Variants in GRIP1 observed in about 807,000 individuals in gnomAD.
GRIP1 encodes glutamate receptor interacting protein 1.
A neutral mutation model predicts 129.9 loss-of-function variants in GRIP1; 45 were observed. That is an observed-to-expected ratio of 0.35 (90% CI 0.27 to 0.44). The LOEUF (loss-of-function observed/expected upper bound fraction) is 0.44. Among genes scored for constraint, GRIP1 ranks in the 20% least tolerant of loss-of-function variants. The probability of loss-of-function intolerance (pLI) is 1.00; values close to 1 mark genes in which losing one functional copy is unlikely to be tolerated. For missense variants in GRIP1, 1,196 were observed against 1,396.8 expected (o/e 0.86, Z 2.29); for synonymous variants, 530 against 520.8 (o/e 1.02, Z -0.24).
At chr12:66,800,125 C>A (rs1463533874) in intron 1 of GRIP1, among the ~76,000 whole-genome samples, 1 of 152,132 alleles carries the variant, frequency 6.6e-6, no homozygotes, top group Non-Finnish European at 1.5e-5. Context: ...ACAACAACAA[C>A]AAAACAACAA....
chr12:66,727,904 G>A (rs2036306817), intron 1 of GRIP1, among the ~76,000 whole-genome samples: 1 of 152,122 alleles, frequency 6.6e-6, no homozygotes, highest in Admixed American at 6.5e-5. Flanking sequence ...CATTGAGAAA[G>A]GTTTTAATTT....
intron 1 of GRIP1, among the ~76,000 whole-genome samples, chr12:66,913,005 A>C (rs1292016756): frequency 1.2e-4 from 18 of 152,268 alleles, no homozygotes; most frequent in Non-Finnish European, 2.1e-4. Context: ...AATGTGCAAA[A>C]TTAACACTCC....
chr12:66,869,944 C>T (rs558449826), intron 1 of GRIP1, among the ~76,000 whole-genome samples: 2 of 152,224 alleles, frequency 1.3e-5, no homozygotes, highest in South Asian at 4.1e-4. Context: ...TCTCAACCTC[C>T]ATGGTCTGAC....
intron 1 of GRIP1, among the ~76,000 whole-genome samples, chr12:66,945,413 AAG>A (rs2041652349): frequency 6.6e-6 from 1 of 152,206 alleles, no homozygotes; most frequent in South Asian, 2.1e-4. Flanking sequence ...TTATAAAGAA[AAG>A]AGTGTTTAAT....
intron 15 of GRIP1, among the ~76,000 whole-genome samples, chr12:66,408,415 G>T (rs1311476229): frequency 1.3e-5 from 2 of 152,114 alleles, no homozygotes; most frequent in African/African-American, 2.4e-5. Context: ...GGAGGTGCAG[G>T]TTGCAGTGAG....
At chr12:66,997,751 G>A (rs1331609211) in intron 1 of GRIP1, among the ~76,000 whole-genome samples, 1 of 152,098 alleles carries the variant, frequency 6.6e-6, no homozygotes, top group Non-Finnish European at 1.5e-5. Flanking sequence ...AATCTAGCAG[G>A]AAAATAATTG....
At chr12:66,852,323 T>G (rs1217510639) in intron 1 of GRIP1, among the ~76,000 whole-genome samples, 3 of 152,104 alleles carry the variant, frequency 2.0e-5, no homozygotes, top group African/African-American at 7.2e-5. Context: ...CTCGGTGTGC[T>G]CAGTTAGCAG....
intron 11 of GRIP1, among the ~76,000 whole-genome samples, chr12:66,446,591 C>G (rs1399576377): frequency 6.6e-6 from 1 of 152,180 alleles, no homozygotes. Flanking sequence ...TATTTCTGCT[C>G]TGTCTCATTT....
intron 1 of GRIP1, among the ~76,000 whole-genome samples, chr12:66,732,245 A>G (rs984849716): frequency 1.6e-4 from 24 of 152,144 alleles, no homozygotes; most frequent in Non-Finnish European, 1.5e-4. Flanking sequence ...CAACATAAAG[A>G]TGATAAGCAT....
intron 24 of GRIP1, among the ~76,000 whole-genome samples, chr12:66,351,555 GGTTTTTTT>G (rs2054222845): frequency 1.4e-5 from 2 of 143,516 alleles, no homozygotes; most frequent in Non-Finnish European, 1.5e-5. Context: ...ACAGGAAGGT[GGTTTTTTT>G]TTTTTTTTTT....
intron 23 of GRIP1, among the ~76,000 whole-genome samples, chr12:66,363,132 C>A (rs2054877744): frequency 6.9e-6 from 1 of 143,946 alleles, no homozygotes; most frequent in Non-Finnish European, 1.5e-5. Context: ...TATATACACA[C>A]ACACATATAC....
At chr12:66,825,297 T>A (rs1460603227) in intron 1 of GRIP1, among the ~76,000 whole-genome samples, 1 of 152,196 alleles carries the variant, frequency 6.6e-6, no homozygotes, top group Non-Finnish European at 1.5e-5. Flanking sequence ...AATAGAGATT[T>A]CCACATCGTC....
chr12:66,580,280 C>T (rs1429741617), intron 2 of GRIP1, among the ~76,000 whole-genome samples: 2 of 151,244 alleles, frequency 1.3e-5, no homozygotes, highest in African/African-American at 2.4e-5. Context: ...AAAGGAACAA[C>T]TGGTACCAGC....
chr12:66,625,843 T>C (rs745856180), intron 1 of GRIP1, among the ~76,000 whole-genome samples: 8 of 152,168 alleles, frequency 5.3e-5, no homozygotes, highest in Non-Finnish European at 1.0e-4. Context: ...GTGTCTCCCA[T>C]GTAGCATTTA....
intron 1 of GRIP1, among the ~76,000 whole-genome samples, chr12:66,802,509 T>C (rs1414788485): frequency 6.6e-6 from 1 of 152,192 alleles, no homozygotes; most frequent in South Asian, 2.1e-4. Flanking sequence ...CCATATATAG[T>C]TCTTCTTGTC....
At chr12:66,586,077 C>T (rs1181802591) in intron 2 of GRIP1, among the ~76,000 whole-genome samples, 1 of 152,166 alleles carries the variant, frequency 6.6e-6, no homozygotes, top group Non-Finnish European at 1.5e-5. Context: ...CTCCCTCTGG[C>T]CACTCTCCCA....
chr12:66,768,500 T>A (rs1413945370), intron 1 of GRIP1, among the ~76,000 whole-genome samples: 2 of 152,126 alleles, frequency 1.3e-5, no homozygotes, highest in Non-Finnish European at 2.9e-5. Context: ...TTGAGGAAGT[T>A]AACGTGTGAG....
chr12:66,671,085 A>G (rs11176371), intron 1 of GRIP1, among the ~76,000 whole-genome samples: 2,694 of 152,260 alleles, frequency 0.018, 71 homozygotes, highest in African/African-American at 0.061. Context: ...ATTAAATCAC[A>G]ATCTCTGGGG....
chr12:66,721,900 T>C (rs1182939686), intron 1 of GRIP1, among the ~76,000 whole-genome samples: 1 of 152,076 alleles, frequency 6.6e-6, no homozygotes, highest in African/African-American at 2.4e-5. Flanking sequence ...AACCAACCTC[T>C]TCTAGCTTCA....
Sources: allele counts gnomAD v4.1 joint callset (sites outside exome capture counted in the v4.1 genomes callset), GRCh38; gene constraint gnomAD v4.1.1; transcripts MANE v1.5; gene names NCBI Gene and HGNC (gene_info 2026-07-23, HGNC 2026-07-21).